RGS3: variants seen among roughly 807,000 people sequenced by gnomAD.
RGS3 encodes the protein regulator of G-protein signalling 3.
RGS3 carries 80 observed loss-of-function variants against 132.6 expected under a neutral mutation model. That is an observed-to-expected ratio of 0.60 (90% CI 0.50 to 0.73). RGS3 has a LOEUF of 0.73. RGS3 is among the 30% of genes least tolerant of loss of function. The pLI, the probability that RGS3 is intolerant of heterozygous loss-of-function variation, is 0.00. For synonymous variants in RGS3, 598 were observed against 620.6 expected (o/e 0.96, Z 0.54); for missense variants, 1,382 against 1,530.8 (o/e 0.90, Z 1.62).
intron 20 of RGS3, among the ~76,000 whole-genome samples, chr9:113,585,856 T>C (rs958892032): frequency 4.6e-5 from 7 of 152,220 alleles, no homozygotes; most frequent in African/African-American, 9.6e-5. Flanking sequence ...TGCCTTCTGC[T>C]GAAAGCTAGT....
At chr9:113,501,765 GGGA>G (rs1830909419) in intron 10 of RGS3, 3 of 963,124 alleles carry the variant, frequency 3.1e-6, no homozygotes, top group Non-Finnish European at 4.7e-6. Flanking sequence ...CTTGGATATG[GGGA>G]GGAGGATAGA....
intron 3 of RGS3, among the ~76,000 whole-genome samples, chr9:113,471,497 G>C (rs1199629178): frequency 6.6e-6 from 1 of 152,042 alleles, no homozygotes; most frequent in Non-Finnish European, 1.5e-5. Context: ...AGCATTTCTA[G>C]TTTTCCTCAG....
chr9:113,559,283 A>G (rs1392076809), intron 19 of RGS3, among the ~76,000 whole-genome samples: 2 of 152,260 alleles, frequency 1.3e-5, no homozygotes, highest in African/African-American at 4.8e-5. Context: ...GATTGCTCCC[A>G]AAAGCCCGAA....
At chr9:113,496,896 G>A (rs1356943997) in intron 8 of RGS3, among the ~76,000 whole-genome samples, 1 of 152,118 alleles carries the variant, frequency 6.6e-6, no homozygotes, top group East Asian at 1.9e-4. Flanking sequence ...TCCTAGAAAA[G>A]ATGTTCCCCC....
rs765354775 is a variant in RGS3 at position 113,594,538 on chromosome 9, C to T, written c.3182+7C>T. On this transcript the variant is annotated splice_region_variant and intron_variant, in intron 22 of 24. Transcript: ENST00000350696. The stretch of plus-strand genomic sequence containing the variant: ...AAATGATGAAGTCATTCAAGTAGGT[C>T]CTCCCTGGCACCCTGGGACCCTTTG... The T allele has an allele frequency of 5.6e-6, 9 of 1,610,592 alleles. No homozygotes were observed. The highest frequency in any genetic ancestry group is 6.8e-6 in the Non-Finnish European group (8 of 1,177,724).
At chr9:113,459,387 C>T (rs1203858711), upstream of RGS3, among the ~76,000 whole-genome samples, 1 of 152,140 alleles carries the variant, frequency 6.6e-6, no homozygotes, top group Admixed American at 6.6e-5. Flanking sequence ...TTAATACTTT[C>T]TAGAAAATCA....
At chr9:113,514,575 G>A in exon 15 of RGS3, 1 of 1,614,182 alleles carries the variant, frequency 6.2e-7, no homozygotes. Context: ...CCGGTTGTGA[G>A]GCCGCATGCC....
At chr9:113,495,995 A>G in intron 8 of RGS3, 149 bp downstream of exon 6, 1 of 727,648 alleles carries the variant, frequency 1.4e-6, no homozygotes, top group Non-Finnish European at 2.5e-6. Flanking sequence ...CCTGCATAGC[A>G]GCACTGTGTT....
At chr9:113,448,325 C>A (rs906124403) in intron 1 of RGS3, among the ~76,000 whole-genome samples, 3 of 152,202 alleles carry the variant, frequency 2.0e-5, no homozygotes, top group East Asian at 1.9e-4. Flanking sequence ...TTCTCTCCCC[C>A]CAGCCCCATT....
At chr9:113,526,227 CCAGGTAGG>C (rs1832200662) in intron 17 of RGS3, among the ~76,000 whole-genome samples, 1 of 152,184 alleles carries the variant, frequency 6.6e-6, no homozygotes, top group African/African-American at 2.4e-5. Context: ...CACCTTAGAG[CCAGGTAGG>C]CAGTTGCAGA....
chr9:113,504,687 A>G (rs1030615656), intron 10 of RGS3, among the ~76,000 whole-genome samples: 2 of 152,178 alleles, frequency 1.3e-5, no homozygotes, highest in East Asian at 3.9e-4. Context: ...GGAGCTCAAT[A>G]ATTGTGTGCC....
intron 17 of RGS3, among the ~76,000 whole-genome samples, chr9:113,523,937 ACT>A (rs1405222304): frequency 1.3e-4 from 19 of 151,800 alleles, no homozygotes; most frequent in African/African-American, 4.6e-4. Flanking sequence ...GAGAACCGCC[ACT>A]CTCACTTCCC....
At position 113,479,566 on chromosome 9, in the gene RGS3, AC is replaced by A. The variant is rs1268340989; in HGVS notation, c.466+27del. ...AGTGAGTACGGCTTTGTGCAGGCTCACCAAGGAAGGGGCGGGCCACTCAGCT... is the reference window on the plus strand; with the variant it reads ...AGTGAGTACGGCTTTGTGCAGGCTCACAAGGAAGGGGCGGGCCACTCAGCT... On this transcript the variant is annotated intron_variant, in intron 4 of 24. Transcript: ENST00000350696. 1.9e-6 allele frequency: 3 copies of A among 1,612,668 alleles called. No individual in the cohort carries two copies. In the African/African-American group the frequency reaches 4.0e-5, roughly 22 times the overall value.
chr9:113,469,332 T>G (rs543700001), intron 3 of RGS3, among the ~76,000 whole-genome samples: 1 of 152,218 alleles, frequency 6.6e-6, no homozygotes, highest in African/African-American at 2.4e-5. Context: ...CCTGGCATGG[T>G]TGGGGAAACC....
At chr9:113,545,107 G>C (rs1167554151) in intron 19 of RGS3, among the ~76,000 whole-genome samples, 1 of 152,190 alleles carries the variant, frequency 6.6e-6, no homozygotes, top group Non-Finnish European at 1.5e-5. Flanking sequence ...AGGTTCTCAG[G>C]GAGCTCTGGA....
upstream of RGS3, among the ~76,000 whole-genome samples, chr9:113,458,107 G>C (rs1229376268): frequency 1.3e-5 from 2 of 152,196 alleles, no homozygotes; most frequent in African/African-American, 4.8e-5. Flanking sequence ...AGTAGAGACG[G>C]GGTTTCACCA....
Position 113,591,467 on chromosome 9 carries a change from G to A in RGS3, c.3080+70G>A. The A allele has an allele frequency of 7.3e-7, 1 of 1,375,742 alleles. No homozygotes were observed. 85.2% of individuals were successfully genotyped at this position (1,375,742 alleles called of 1,614,324 possible). ...TGCCCCAGGGCTTGTCTCTCCTCTA[G>A]GGGTCCAGGTGGGGAGAAGAGGTTG... On this transcript the variant is annotated intron_variant, in intron 21 of 24. Coordinates refer to ENST00000350696, the Ensembl canonical transcript of RGS3. This position sits in a 1 kb window ranked among gnomAD's most constrained non-coding sequence, Gnocchi z 4.4.
chr9:113,535,463 G>A (rs1272540809), intron 18 of RGS3, among the ~76,000 whole-genome samples: 3 of 152,180 alleles, frequency 2.0e-5, no homozygotes, highest in Admixed American at 2.0e-4. Flanking sequence ...AAGCCACTGC[G>A]CCCAGTCAAT....
chr9:113,545,223 G>A (rs1405287692), intron 19 of RGS3, among the ~76,000 whole-genome samples: 1 of 152,232 alleles, frequency 6.6e-6, no homozygotes, highest in African/African-American at 2.4e-5. Context: ...AAGGCAGAGA[G>A]GTATAGCTTC....
Sources: gnomAD v4.1 joint callset for allele counts (sites outside exome capture counted in the v4.1 genomes callset) on GRCh38, gnomAD v4.1.1 for gene constraint, Gnocchi (gnomAD v3.1) non-coding constraint, MANE v1.5 for transcripts, NCBI Gene and HGNC (gene_info 2026-07-23, HGNC 2026-07-21) for gene names.